PCDHA5: variants seen among roughly 807,000 people sequenced by gnomAD.
PCDHA5 encodes the protein protocadherin alpha 5.
Under a neutral mutation model 61.6 loss-of-function variants are expected in PCDHA5, and 43 were observed. That is an observed-to-expected ratio of 0.70 (90% CI 0.55 to 0.90). PCDHA5 has a LOEUF of 0.90. PCDHA5 is among the 40% of genes least tolerant of loss of function. The pLI is 0.00. For missense variants in PCDHA5, 1,298 were observed against 1,222.7 expected (o/e 1.06, Z -0.92); for synonymous variants, 627 against 543.9 (o/e 1.15, Z -2.13).
chr5:140,847,731 T>C lies in PCDHA5; in HGVS notation c.2352+23604T>C, dbSNP rs1031856254. ...GTATAAATGCTACAAAAGAGAAAAA[T>C]ATATTTTCTCCCCACGCAACACAAG... On this transcript the variant is annotated intron_variant, in intron 1 of 3. Coordinates refer to ENST00000529859, the MANE Select transcript of PCDHA5 (RefSeq NM_018908.3). 2.7e-5 allele frequency: 4 copies of C among 149,230 alleles called. No homozygotes were observed. The East Asian group carries it at 7.8e-4, about 29-fold the overall frequency. The allele number at this position is 149,230 out of a possible 1,614,324, so 9.2% of individuals were successfully genotyped here. A position where few individuals can be genotyped will look rare whatever the true frequency, so the allele number is the denominator to read the frequency against.
At chr5:140,928,927 G>T (rs1359556123) in intron 1 of PCDHA5, 1 of 1,613,982 alleles carries the variant, frequency 6.2e-7, no homozygotes, top group Non-Finnish European at 8.5e-7. Context: ...GCAGCTTTCT[G>T]CCCAGAACTT....
At chr5:140,960,267 C>T (rs1182915204) in intron 1 of PCDHA5, among the ~76,000 whole-genome samples, 3 of 152,266 alleles carry the variant, frequency 2.0e-5, no homozygotes, top group South Asian at 2.1e-4. Flanking sequence ...CTGATAAATT[C>T]CGTCACCTTT....
intron 1 of PCDHA5, among the ~76,000 whole-genome samples, chr5:140,945,407 T>G (rs554073823): frequency 6.6e-6 from 1 of 152,128 alleles, no homozygotes; most frequent in Non-Finnish European, 1.5e-5. Context: ...ATACAATTCG[T>G]ATCAAAATTT....
intron 1 of PCDHA5, chr5:140,856,891 C>A: frequency 6.3e-7 from 1 of 1,596,046 alleles, no homozygotes; most frequent in Non-Finnish European, 8.6e-7. Flanking sequence ...ATTCATTTAG[C>A]TCTTTGGTCC....
chr5:140,916,046 C>T (rs2077416983), intron 1 of PCDHA5, among the ~76,000 whole-genome samples: 1 of 152,202 alleles, frequency 6.6e-6, no homozygotes, highest in Admixed American at 6.5e-5. Context: ...TTTCCACAGG[C>T]AGAGGTGCCT....
intron 1 of PCDHA5, among the ~76,000 whole-genome samples, chr5:140,901,931 C>G (rs2068990642): frequency 6.6e-6 from 1 of 151,430 alleles, no homozygotes; most frequent in Non-Finnish European, 1.5e-5. Context: ...TGGTTAATTC[C>G]TAGGTATATT....
rs2150126573 is a variant in PCDHA5 at position 140,823,520 on chromosome 5, G to A, written c.1745G>A (p.Arg582Lys). 10 of 1,613,572 alleles carry A rather than the reference G, an allele frequency of 6.2e-6. No homozygotes were observed. The East Asian group carries it at 2.2e-4, about 36-fold the overall frequency. The change falls in exon 1 of 4, where the codon AGG becomes AAG. Residue 582 changes from arginine to lysine, a missense_variant. Coordinates refer to ENST00000529859, the MANE Select transcript of PCDHA5 (RefSeq NM_018908.3). Reference sequence around the variant, plus strand: ...GGCGCAGTGAGCGAGCTGGTGCCGAGGTCAGTGGGTGCGGGCCACGTGGTG... The same window carrying A: ...GGCGCAGTGAGCGAGCTGGTGCCGAAGTCAGTGGGTGCGGGCCACGTGGTG... ...TGGAVSELVP[R>K]SVGAGHVVAK...
At chr5:140,988,043 A>G (rs2153870251) in intron 3 of PCDHA5, among the ~76,000 whole-genome samples, 1 of 152,336 alleles carries the variant, frequency 6.6e-6, no homozygotes, top group Non-Finnish European at 1.5e-5. Context: ...GAATCTGTTT[A>G]GGAGCACTGT....
chr5:140,875,100 G>A (rs558585314), intron 1 of PCDHA5, among the ~76,000 whole-genome samples: 2 of 152,240 alleles, frequency 1.3e-5, no homozygotes, highest in Admixed American at 6.5e-5. Context: ...TTGATGTTTT[G>A]TTACTAATAT....
In PCDHA5 at chr5:140,986,314, A is replaced by G. The variant is rs551389701; in HGVS notation, c.2500+3751A>G. On this transcript the variant is annotated intron_variant, in intron 3 of 3. Transcript: ENST00000529859. ...TGAGCAGAGAGAGAAAATTAGCTAA[A>G]TCAGGAATGCAGGGAATACAGTTGC... 9.4e-4 allele frequency among the ~76,000 whole-genome samples: 143 copies of G among 152,196 alleles called. 1 individual carries two copies. The highest frequency in any genetic ancestry group is 1.6e-3 in the Non-Finnish European group (110 of 68,030).
At chr5:140,956,958 A>C (rs970237928) in intron 1 of PCDHA5, among the ~76,000 whole-genome samples, 4 of 134,798 alleles carry the variant, frequency 3.0e-5, no homozygotes, top group Non-Finnish European at 6.6e-5. Context: ...AAACACTGTA[A>C]TTAATCAGTC....
At chr5:140,836,816 T>G in intron 1 of PCDHA5, 1 of 1,201,468 alleles carries the variant, frequency 8.3e-7, no homozygotes, top group Non-Finnish European at 1.2e-6. Context: ...TCTTTCATAA[T>G]TTCTTTTTTA....
chr5:140,896,486 C>T (rs2065571972), intron 1 of PCDHA5, among the ~76,000 whole-genome samples: 2 of 151,948 alleles, frequency 1.3e-5, no homozygotes, highest in African/African-American at 4.8e-5. Context: ...CCTCAGCCTC[C>T]TGAGTAGCTG....
At chr5:140,977,671 A>G (rs2096770792) in intron 1 of PCDHA5, among the ~76,000 whole-genome samples, 1 of 152,178 alleles carries the variant, frequency 6.6e-6, no homozygotes, top group South Asian at 2.1e-4. Flanking sequence ...CTGCATGCCA[A>G]ATATCATGTA....
intron 3 of PCDHA5, among the ~76,000 whole-genome samples, chr5:140,994,234 C>A (rs1285846864): frequency 4.6e-5 from 7 of 152,146 alleles, no homozygotes; most frequent in South Asian, 2.1e-4. Flanking sequence ...ATGTTATAAT[C>A]AATTCAAACC....
intron 1 of PCDHA5, chr5:140,926,754 C>T: frequency 1.6e-6 from 2 of 1,283,492 alleles, no homozygotes; most frequent in Non-Finnish European, 2.0e-6. Flanking sequence ...TCGGCGGTCG[C>T]TGAGTATCCA....
At chr5:140,827,338 G>A (rs1158154683) in intron 1 of PCDHA5, among the ~76,000 whole-genome samples, 1 of 152,144 alleles carries the variant, frequency 6.6e-6, no homozygotes, top group Non-Finnish European at 1.5e-5. Flanking sequence ...AAGTGGTGAA[G>A]TATATGAAAA....
chr5:140,941,214 C>CCCTTCTTTCTTTCTTTCTTTCTTT (rs2092871784), intron 1 of PCDHA5, among the ~76,000 whole-genome samples: 1 of 122,414 alleles, frequency 8.2e-6, no homozygotes, highest in Non-Finnish European at 1.7e-5. Flanking sequence ...TTTCTTTCTT[C>CCCTTCTTTCTTTCTTTCTTTCTTT]CTTTCTTTCT....
chr5:140,821,818 C>T lies in PCDHA5; in HGVS notation c.43C>T (p.Leu15=), dbSNP rs919324883. 1 of 1,613,974 alleles carries T rather than the reference C, an allele frequency of 6.2e-7. No individual in the cohort carries two copies. Among genetic ancestry groups the T allele is most frequent in the African/African-American group, 1.3e-5 (1 of 75,062 alleles). ...RRGSLGSRLL[L]LWLLLAYWKA... Reference sequence around the variant, plus strand: ...AGGAAGTCTGGGATCCCGGCTCCTGCTGCTCTGGCTTCTCCTTGCCTACTG... The same window carrying T: ...AGGAAGTCTGGGATCCCGGCTCCTGTTGCTCTGGCTTCTCCTTGCCTACTG... The change falls in exon 1 of 4, where the codon CTG becomes TTG. Residue 15 remains leucine (L), a synonymous_variant. Coordinates refer to ENST00000529859, the MANE Select transcript of PCDHA5 (RefSeq NM_018908.3).
Sources: gnomAD v4.1 joint callset for allele counts (sites outside exome capture counted in the v4.1 genomes callset) on GRCh38, gnomAD v4.1.1 for gene constraint, MANE v1.5 for transcripts, NCBI Gene and HGNC (gene_info 2026-07-23, HGNC 2026-07-21) for gene names.